SPRED2: variants seen among roughly 807,000 people sequenced by gnomAD.
SPRED2 encodes the protein sprouty-related, EVH1 domain-containing protein 2.
Under a neutral mutation model 43.0 loss-of-function variants are expected in SPRED2, and 47 were observed. The ratio of observed to expected loss-of-function variants is 1.09; its 90% CI spans 0.87 to 1.40. SPRED2 has a LOEUF of 1.40. Among genes scored for constraint, SPRED2 ranks in the 40% most tolerant of loss-of-function variants. The pLI, the probability that SPRED2 is intolerant of heterozygous loss-of-function variation, is 0.00. For synonymous variants in SPRED2, 225 were observed against 225.7 expected, an observed-to-expected ratio of 1.00 and a Z score of 0.03; for missense variants, 561 against 586.4, an observed-to-expected ratio of 0.96 and a Z score of 0.45.
rs542720400 is a variant in SPRED2 at position 65,365,322 on chromosome 2, C to T, written c.27-20426G>A. Among the ~76,000 whole-genome samples the T allele has an allele frequency of 4.1e-4, 63 of 152,310 alleles. No homozygotes were observed. In the South Asian group the frequency reaches 0.011, roughly 28 times the overall value. On this transcript the variant is annotated intron_variant, in intron 1 of 5. Coordinates refer to ENST00000356388, the MANE Select transcript of SPRED2 (RefSeq NM_181784.3). ...CAAATTGGCCATTCTATAAAAAGTA[C>T]ACCCCTTAATCTACAAAACAAACAG...
intron 4 of SPRED2, among the ~76,000 whole-genome samples, chr2:65,330,681 G>T (rs1047149574): frequency 2.0e-5 from 3 of 152,168 alleles, no homozygotes; most frequent in Admixed American, 2.0e-4. Context: ...CATGCTACAG[G>T]TTTGGACAAA....
rs1673090579 is a variant in SPRED2, at chr2:65,312,268, C to T, written c.*1233G>A. On this transcript the variant is annotated 3_prime_UTR_variant, in exon 6 of 6. Coordinates refer to ENST00000356388, the MANE Select transcript of SPRED2 (RefSeq NM_181784.3). Reference sequence around the variant, plus strand: ...GAGTTGCAGGAGAAAGACACTTAGGCATTGGAAGGGTTTTTACATATGGCC... The same window carrying T: ...GAGTTGCAGGAGAAAGACACTTAGGTATTGGAAGGGTTTTTACATATGGCC... The T allele has an allele frequency of 1.0e-6, 1 of 985,404 alleles. No individual in the cohort carries two copies. The highest frequency in any genetic ancestry group is 1.7e-5 in the African/African-American group (1 of 57,216). The allele number at this position is 985,404 out of a possible 1,614,324, so 61.0% of individuals were successfully genotyped here.
chr2:65,339,244 A>G (rs1393612610), intron 2 of SPRED2, among the ~76,000 whole-genome samples: 1 of 149,514 alleles, frequency 6.7e-6, no homozygotes, highest in Non-Finnish European at 1.5e-5. Context: ...GCTCATTGAG[A>G]ATGGGCCATG....
At chr2:65,361,693 C>G (rs930291895) in intron 1 of SPRED2, among the ~76,000 whole-genome samples, 1 of 152,118 alleles carries the variant, frequency 6.6e-6, no homozygotes, top group Non-Finnish European at 1.5e-5. Context: ...TAATATTACT[C>G]AAAGCAGGGA....
At chr2:65,382,983 G>T (rs1261002197) in intron 1 of SPRED2, among the ~76,000 whole-genome samples, 1 of 152,328 alleles carries the variant, frequency 6.6e-6, no homozygotes, top group East Asian at 1.9e-4. Context: ...CACCTCGGAA[G>T]GCCTCAGTAA....
At chr2:65,328,390 C>T (rs993051288) in intron 4 of SPRED2, among the ~76,000 whole-genome samples, 5 of 152,212 alleles carry the variant, frequency 3.3e-5, no homozygotes, top group Non-Finnish European at 7.3e-5. Flanking sequence ...TCTTAAGCTT[C>T]TCTGAAAGGC....
intron 1 of SPRED2, among the ~76,000 whole-genome samples, chr2:65,423,181 A>G (rs1676476798): frequency 6.6e-6 from 1 of 152,228 alleles, no homozygotes; most frequent in Non-Finnish European, 1.5e-5. Context: ...TCATAAGCCA[A>G]GTGACTCCTA....
intron 1 of SPRED2, among the ~76,000 whole-genome samples, chr2:65,405,951 T>C (rs1676014049): frequency 6.6e-6 from 1 of 152,110 alleles, no homozygotes; most frequent in Non-Finnish European, 1.5e-5. Flanking sequence ...CCTCTTGCAA[T>C]GGGCAGAACA....
intron 1 of SPRED2, among the ~76,000 whole-genome samples, chr2:65,347,321 G>A (rs1259707923): frequency 1.3e-5 from 2 of 151,936 alleles, no homozygotes; most frequent in Non-Finnish European, 2.9e-5. Flanking sequence ...TGAACATAGT[G>A]AGAGGGAAAA....
chr2:65,396,817 C>T (rs1326472949), intron 1 of SPRED2, among the ~76,000 whole-genome samples: 2 of 152,190 alleles, frequency 1.3e-5, no homozygotes, highest in African/African-American at 4.8e-5. Flanking sequence ...ATGCAAACAG[C>T]CCTCAGTGCT....
chr2:65,355,061 C>T (rs1674610851), intron 1 of SPRED2, among the ~76,000 whole-genome samples: 1 of 152,196 alleles, frequency 6.6e-6, no homozygotes, highest in African/African-American at 2.4e-5. Flanking sequence ...AGATTATAAT[C>T]AGCGAAGAAT....
At position 65,313,351 on chromosome 2, in the gene SPRED2, C is replaced by A; in HGVS notation, c.*150G>T. Reference sequence around the variant, plus strand: ...AGAGTCTACCCGGCAGCGTCCCTGGCTGGAATGGTGCCTCGAGGTACCAGG... The same window carrying A: ...AGAGTCTACCCGGCAGCGTCCCTGGATGGAATGGTGCCTCGAGGTACCAGG... On this transcript the variant is annotated 3_prime_UTR_variant, in exon 6 of 6. Transcript: ENST00000356388. 1 of 1,486,472 alleles carries A rather than the reference C, an allele frequency of 6.7e-7. No homozygotes were observed. Among genetic ancestry groups the A allele is most frequent in the Non-Finnish European group, 8.9e-7 (1 of 1,127,614 alleles). The allele number at this position is 1,486,472 out of a possible 1,614,324, so 92.1% of individuals were successfully genotyped here.
At chr2:65,421,197 C>T (rs896051727) in intron 1 of SPRED2, among the ~76,000 whole-genome samples, 2 of 152,176 alleles carry the variant, frequency 1.3e-5, no homozygotes, top group Non-Finnish European at 2.9e-5. Flanking sequence ...CATTTAAAAT[C>T]AAGCTGTACC....
chr2:65,312,931 G>A lies in SPRED2; in HGVS notation c.*570C>T. ...AAAGTTAAAGCGATATTGTTTTGTG[G>A]TACAAGTTTGTTAACTAGCTCACCT... is the stretch of plus-strand genomic sequence containing the variant. On this transcript the variant is annotated 3_prime_UTR_variant, in exon 6 of 6. Coordinates refer to ENST00000356388, the MANE Select transcript of SPRED2 (RefSeq NM_181784.3). 1.0e-6 allele frequency: 1 copy of A among 985,778 alleles called. No individual in the cohort carries two copies. The allele number at this position is 985,778 out of a possible 1,614,324, so 61.1% of individuals were successfully genotyped here.
chr2:65,397,682 C>G (rs1049271279), intron 1 of SPRED2, among the ~76,000 whole-genome samples: 12 of 149,946 alleles, frequency 8.0e-5, no homozygotes, highest in Admixed American at 8.0e-4. Context: ...CCAGGCCTTT[C>G]TAAATAGATT....
intron 1 of SPRED2, among the ~76,000 whole-genome samples, chr2:65,387,983 G>A (rs1444710665): frequency 1.3e-5 from 2 of 152,116 alleles, no homozygotes; most frequent in Admixed American, 1.3e-4. Context: ...AGTAGAGACA[G>A]GGTTTCACCA....
intron 1 of SPRED2, among the ~76,000 whole-genome samples, chr2:65,409,691 CAAA>C (rs59225849): frequency 5.1e-4 from 46 of 90,210 alleles, no homozygotes; most frequent in South Asian, 7.3e-4. Flanking sequence ...CAGTTTCCTG[CAAA>C]AAAAAAAAAA....
chr2:65,367,348 G>A (rs1675002584), intron 1 of SPRED2, among the ~76,000 whole-genome samples: 1 of 152,146 alleles, frequency 6.6e-6, no homozygotes, highest in Non-Finnish European at 1.5e-5. Flanking sequence ...AAGGGACGGG[G>A]TAAAGAAATG....
chr2:65,360,773 C>T (rs1296681554), intron 1 of SPRED2, among the ~76,000 whole-genome samples: 1 of 152,164 alleles, frequency 6.6e-6, no homozygotes, highest in Admixed American at 6.5e-5. Context: ...ATAGTTAACA[C>T]TACTGTACTG....
Sources: allele counts gnomAD v4.1 joint callset (sites outside exome capture counted in the v4.1 genomes callset), GRCh38; gene constraint gnomAD v4.1.1; transcripts MANE v1.5; gene names NCBI Gene and HGNC (gene_info 2026-07-23, HGNC 2026-07-21).